Variants in KRT34 observed in about 807,000 individuals in gnomAD.
KRT34 encodes the protein keratin 34, also known as keratin, type I cuticular Ha4.
Under a neutral mutation model 41.7 loss-of-function variants are expected in KRT34, and 31 were observed. The ratio of observed to expected loss-of-function variants is 0.74; its 90% CI spans 0.56 to 1.00. The LOEUF (loss-of-function observed/expected upper bound fraction) is 1.00, where lower values mean the gene tolerates loss of function less well. KRT34 is among the 50% of genes least tolerant of loss of function. The pLI is 0.00. For synonymous variants in KRT34, 224 were observed against 212.9 expected (o/e 1.05, Z -0.45); for missense variants, 523 against 500.3 (o/e 1.05, Z -0.43).
upstream of KRT34, among the ~76,000 whole-genome samples, chr17:41,383,397 A>C (rs2144338995): frequency 6.6e-6 from 1 of 152,342 alleles, no homozygotes; most frequent in East Asian, 1.9e-4. Flanking sequence ...ACAGTGGCAG[A>C]GTTGTGTAGT....
rs145004450 is a variant in KRT34 at position 41,381,086 on chromosome 17, C to G, written c.558G>C (p.Glu186Asp). ...LESQVESLREELICLKKNHEE... is the reference protein window; with the variant it reads ...LESQVESLREDLICLKKNHEE... ...CATGGTTCTTCTTCAAGCAGATCAGCTCCTCCCTCAGGGACTCCACCTGGG... is the reference window on the plus strand; with the variant it reads ...CATGGTTCTTCTTCAAGCAGATCAGGTCCTCCCTCAGGGACTCCACCTGGG... Residue 186 changes from glutamate to aspartate, a missense_variant, in exon 3 of 7, where the codon GAG (glutamate) becomes GAC (aspartate). By Grantham distance (45) the Glu-to-Asp change is conservative. Coordinates refer to ENST00000394001, the MANE Select transcript of KRT34 (RefSeq NM_001386014.1). 1 of 1,614,168 alleles carries G rather than the reference C, an allele frequency of 6.2e-7. No individual in the cohort carries two copies. Among genetic ancestry groups the G allele is most frequent in the African/African-American group, 1.3e-5 (1 of 75,036 alleles).
Position 41,379,634 on chromosome 17 carries a change from C to T in KRT34, c.686G>A (p.Arg229Lys). Residue 229 changes from arginine (R) to lysine (K), a missense_variant, in exon 4 of 7, where the codon AGG becomes AAG. By Grantham distance (26) the Arg-to-Lys change is conservative (BLOSUM62 2). Transcript: ENST00000394001. ...TTCCACCAGAGCCTCATACTGACTCCTGGTCTCGTTCAGGACCTGGTTCAG... is the reference window on the plus strand; with the variant it reads ...TTCCACCAGAGCCTCATACTGACTCTTGGTCTCGTTCAGGACCTGGTTCAG... The part of the protein sequence containing the change: ...VDLNQVLNET[R>K]SQYEALVEIN... 1 of 1,614,162 alleles carries T rather than the reference C, an allele frequency of 6.2e-7. No individual in the cohort carries two copies. Among genetic ancestry groups the T allele is most frequent in the Non-Finnish European group, 8.5e-7 (1 of 1,179,978 alleles).
intron 3 of KRT34, among the ~76,000 whole-genome samples, chr17:41,380,805 A>G (rs1597699646): frequency 6.6e-6 from 1 of 152,290 alleles, no homozygotes; most frequent in East Asian, 1.9e-4. Flanking sequence ...AGCAGTGATC[A>G]GCAGAGAGCA....
At position 41,378,047 on chromosome 17, in the gene KRT34, G is replaced by T; in HGVS notation, c.*12C>A. ...TGGCTTTGTAGATGTCTTCAAAGAG[G>T]ATACAAGCTTTTCAATTACAGCAAC... is the stretch of plus-strand genomic sequence containing the variant. On this transcript the variant is annotated 3_prime_UTR_variant, in exon 7 of 7. Transcript: ENST00000394001. 6.2e-7 allele frequency: 1 copy of T among 1,600,482 alleles called. No individual in the cohort carries two copies. Among genetic ancestry groups the T allele is most frequent in the Non-Finnish European group, 8.6e-7 (1 of 1,167,834 alleles).
intron 6 of KRT34, 98 bp downstream of exon 6, chr17:41,378,858 G>T (rs2144321834): frequency 1.3e-6 from 2 of 1,486,796 alleles, no homozygotes; most frequent in Middle Eastern, 1.7e-4. Flanking sequence ...CACAGTTAAT[G>T]TGTGTTGCCT....
At chr17:41,380,336 A>T (rs898675585) in intron 3 of KRT34, among the ~76,000 whole-genome samples, 3 of 152,204 alleles carry the variant, frequency 2.0e-5, no homozygotes, top group Admixed American at 2.0e-4. Context: ...AAACTCCAAC[A>T]GGGATCACGT....
At chr17:41,380,820 T>G (rs2017964359) in intron 3 of KRT34, among the ~76,000 whole-genome samples, 1 of 152,136 alleles carries the variant, frequency 6.6e-6, no homozygotes, top group South Asian at 2.1e-4. Context: ...AGAGCAGGGC[T>G]CAATGAATGA....
upstream of KRT34, among the ~76,000 whole-genome samples, chr17:41,383,712 T>G (rs892245375): frequency 2.6e-5 from 4 of 152,214 alleles, no homozygotes; most frequent in African/African-American, 9.6e-5. Flanking sequence ...GACTTGTTCC[T>G]CTTTCTAGAG....
rs1258806082 is a variant in KRT34, at chr17:41,377,798, GA to G, written c.*260del. On this transcript the variant is annotated 3_prime_UTR_variant, in exon 7 of 7. Coordinates refer to ENST00000394001, the MANE Select transcript of KRT34 (RefSeq NM_001386014.1). ...CAGGAAACACCTTAAGTAGTAACTG[GA>G]GCTCAGATTACAGGGAGCTGAACAT... 1 of 455,928 alleles carries G rather than the reference GA, an allele frequency of 2.2e-6. No individual in the cohort carries two copies. Among genetic ancestry groups the G allele is most frequent in the African/African-American group, 1.9e-5 (1 of 52,474 alleles). 28.2% of individuals were successfully genotyped at this position (455,928 alleles called of 1,614,324 possible). A position where few individuals can be genotyped will look rare whatever the true frequency, so the allele number is the denominator to read the frequency against.
In KRT34 at chr17:41,378,149, A is replaced by G. The variant is rs2017880809; in HGVS notation, c.1098-3T>C. 2 of 1,606,928 alleles carry G rather than the reference A, an allele frequency of 1.2e-6. No individual in the cohort carries two copies. Among genetic ancestry groups the G allele is most frequent in the African/African-American group, 2.7e-5 (2 of 74,926 alleles). ...TGGCGCATGGGTTGCAGGGGAGCCT[A>G]GGAGGACAAGGAGGTTTAGAATGGC... On this transcript the variant is annotated splice_region_variant and splice_polypyrimidine_tract_variant and intron_variant, in intron 6 of 6. Transcript: ENST00000394001.
chr17:41,377,948 A>G lies in KRT34; in HGVS notation c.*111T>C, dbSNP rs1333944120. 4 of 734,544 alleles carry G rather than the reference A, an allele frequency of 5.4e-6. No individual in the cohort carries two copies. The highest frequency in any genetic ancestry group is 3.4e-5 in the African/African-American group (2 of 58,444). The allele number at this position is 734,544 out of a possible 1,614,324, so 45.5% of individuals were successfully genotyped here. On this transcript the variant is annotated 3_prime_UTR_variant, in exon 7 of 7. Coordinates refer to ENST00000394001, the MANE Select transcript of KRT34 (RefSeq NM_001386014.1). ...GCATTCTAGAAATAACATAGAGGCAAGATGAGGTTTCTTGATGTCAGCTGA... is the reference window on the plus strand; with the variant it reads ...GCATTCTAGAAATAACATAGAGGCAGGATGAGGTTTCTTGATGTCAGCTGA...
At chr17:41,380,884 A>C (rs2017965656) in intron 3 of KRT34, among the ~76,000 whole-genome samples, 172 bp downstream of exon 3, 1 of 152,124 alleles carries the variant, frequency 6.6e-6, no homozygotes, top group African/African-American at 2.4e-5. Context: ...GCCGCTGAAG[A>C]ATGAGCAGCT....
chr17:41,381,160 T>C lies in KRT34; in HGVS notation c.484A>G (p.Ile162Val), dbSNP rs751386809. ...RLLVESDINS[I>V]RRILDELTLC... is the part of the protein sequence containing the mutation. ...GTCAGCTCATCCAGGATCCTGCGTA[T>C]GCTGTTGATGTCCGACTCCACCAAC... Residue 162 changes from isoleucine to valine, a missense_variant, in exon 3 of 7, where the codon ATA becomes GTA. Physicochemically the swap from Ile to Val is conservative, Grantham distance 29. Transcript: ENST00000394001. The C allele has an allele frequency of 1.5e-5, 24 of 1,614,088 alleles. No individual in the cohort carries two copies. The highest frequency in any genetic ancestry group is 1.9e-5 in the Non-Finnish European group (22 of 1,180,032).
At chr17:41,378,342 T>G (rs1444194457) in intron 6 of KRT34, among the ~76,000 whole-genome samples, 196 bp from the exon 7 acceptor site, 1 of 152,190 alleles carries the variant, frequency 6.6e-6, no homozygotes, top group Non-Finnish European at 1.5e-5. Context: ...GGTGCGATCT[T>G]GGCTCACTGC....
In KRT34 at chr17:41,382,050, C is replaced by T. The variant is rs139387232; in HGVS notation, c.197G>A (p.Arg66His). The T allele has an allele frequency of 1.2e-5, 19 of 1,613,750 alleles. No homozygotes were observed. The highest frequency in any genetic ancestry group is 6.7e-5 in the East Asian group (3 of 44,900). Residue 66 changes from arginine (R) to histidine (H), a missense_variant, in exon 1 of 7, where the codon CGC (arginine) becomes CAC (histidine). Coordinates refer to ENST00000394001, the MANE Select transcript of KRT34 (RefSeq NM_001386014.1). ...EKETMQFLND[R>H]LASYLEKVRQ... The stretch of plus-strand genomic sequence containing the variant: ...CACCTTCTCCAGGTAGCTGGCCAGG[C>T]GGTCGTTCAGGAACTGCATAGTCTC...
At chr17:41,382,873 C>A (rs2018023790), upstream of KRT34, among the ~76,000 whole-genome samples, 1 of 152,130 alleles carries the variant, frequency 6.6e-6, no homozygotes, top group Non-Finnish European at 1.5e-5. Context: ...AAAACAATGG[C>A]ATGTTCATGG....
rs16966754 is a variant in KRT34 at position 41,381,660 on chromosome 17, A to C, written c.431+53T>G. 954 of 1,455,130 alleles carry C rather than the reference A, an allele frequency of 6.6e-4. 9 individuals are homozygous for C. In the African/African-American group the frequency reaches 0.011, roughly 17 times the overall value. The allele number at this position is 1,455,130 out of a possible 1,614,324, so 90.1% of individuals were successfully genotyped here. ...GGCTTTCTCCTCTCTTCCAGGCAAT[A>C]GTAGGTCCCTAGGGCCATGAAAGAA... On this transcript the variant is annotated intron_variant, in intron 2 of 6. Transcript: ENST00000394001.
chr17:41,383,365 T>A (rs754652615), upstream of KRT34, among the ~76,000 whole-genome samples: 2 of 152,200 alleles, frequency 1.3e-5, no homozygotes, highest in Non-Finnish European at 2.9e-5. Context: ...GTTTAGCTAT[T>A]GTATATGGCT....
chr17:41,383,442 A>T (rs2144339113), upstream of KRT34, among the ~76,000 whole-genome samples: 1 of 152,286 alleles, frequency 6.6e-6, no homozygotes, highest in East Asian at 1.9e-4. Context: ...AAAGCCCTAA[A>T]ATTAAAAAAT....
Sources: allele counts gnomAD v4.1 joint callset (sites outside exome capture counted in the v4.1 genomes callset), GRCh38; gene constraint gnomAD v4.1.1; transcripts MANE v1.5; gene names NCBI Gene and HGNC (gene_info 2026-07-23, HGNC 2026-07-21).